AFF3: variants seen among roughly 807,000 people sequenced by gnomAD.
The protein encoded by AFF3 is ALF transcription elongation factor 3.
A neutral mutation model predicts 129.7 loss-of-function variants in AFF3; 32 were observed. That is an observed-to-expected ratio of 0.25 (90% CI 0.19 to 0.33). AFF3 has a LOEUF of 0.33. Ranked by LOEUF, AFF3 falls within the 10% of genes least tolerant of loss-of-function variation. The pLI, the probability that AFF3 is intolerant of heterozygous loss-of-function variation, is 1.00. For missense variants in AFF3, 1,373 were observed against 1,592.0 expected (o/e 0.86, Z 2.34); for synonymous variants, 644 against 635.4 (o/e 1.01, Z -0.20).
chr2:99,896,068 C>CAA (rs58471464), intron 7 of AFF3, among the ~76,000 whole-genome samples: 67 of 62,864 alleles, frequency 1.1e-3, no homozygotes, highest in South Asian at 2.3e-3. Flanking sequence ...GACTCCTTCT[C>CAA]AAAAAAAAAA....
chr2:99,709,306 C>T (rs576334986), intron 11 of AFF3, among the ~76,000 whole-genome samples: 19 of 152,292 alleles, frequency 1.2e-4, no homozygotes, highest in Admixed American at 1.1e-3. Context: ...GGTCCAGTTT[C>T]CTAACCTTTC....
At chr2:100,126,895 T>C (rs1692216562) in intron 2 of AFF3, among the ~76,000 whole-genome samples, 1 of 152,248 alleles carries the variant, frequency 6.6e-6, no homozygotes, top group African/African-American at 2.4e-5. Context: ...GGAGTTGTGT[T>C]GACACACTGG....
intron 7 of AFF3, among the ~76,000 whole-genome samples, chr2:99,995,515 G>A (rs1287852725): frequency 6.6e-6 from 1 of 152,020 alleles, no homozygotes; most frequent in Non-Finnish European, 1.5e-5. Flanking sequence ...TGGGACTACA[G>A]GCGACTGCCA....
At position 99,558,666 on chromosome 2, in the gene AFF3, G is replaced by A. The variant is rs567561762; in HGVS notation, c.3285+209C>T. Among the ~76,000 whole-genome samples, 178 of 152,114 alleles carry A rather than the reference G, an allele frequency of 1.2e-3. 2 individuals are homozygous for A. The highest frequency in any genetic ancestry group is 2.2e-3 in the Non-Finnish European group (150 of 67,988). On this transcript the variant is annotated intron_variant, in intron 22 of 24. Transcript: ENST00000672756. ...AAAAATAAAAAAATAAAAATACTTG[G>A]ACAAGAAGGCAGGGAGATACATTAG...
intron 13 of AFF3, among the ~76,000 whole-genome samples, chr2:99,609,505 T>G (rs1297182438): frequency 6.6e-6 from 1 of 152,236 alleles, no homozygotes; most frequent in Non-Finnish European, 1.5e-5. Context: ...CCTGAGTCAC[T>G]TCACTTAGAA....
chr2:99,780,961 A>C (rs1411903608), intron 8 of AFF3, among the ~76,000 whole-genome samples: 2 of 152,136 alleles, frequency 1.3e-5, no homozygotes, highest in African/African-American at 4.8e-5. Flanking sequence ...TTAAAACACA[A>C]AACAGATCAT....
intron 7 of AFF3, among the ~76,000 whole-genome samples, chr2:99,849,515 C>T (rs907187901): frequency 5.9e-5 from 9 of 152,024 alleles, no homozygotes; most frequent in Non-Finnish European, 7.4e-5. Context: ...CTAGACCATA[C>T]GTTTTTCATT....
chr2:99,902,123 T>G (rs1268837984), intron 7 of AFF3, among the ~76,000 whole-genome samples: 4 of 151,770 alleles, frequency 2.6e-5, no homozygotes, highest in African/African-American at 9.7e-5. Context: ...AGTATAGATG[T>G]CTGACATATT....
intron 7 of AFF3, among the ~76,000 whole-genome samples, chr2:99,898,299 C>T (rs553117234): frequency 6.6e-6 from 1 of 152,328 alleles, no homozygotes; most frequent in South Asian, 2.1e-4. Flanking sequence ...CAACGTCAAA[C>T]GCCATATGGG....
rs1445818528 is a variant in AFF3, at chr2:99,547,943, T to C, written c.*3531A>G. The C allele has an allele frequency of 4.7e-6, 1 of 212,134 alleles. No homozygotes were observed. Among genetic ancestry groups the C allele is most frequent in the East Asian group, 7.1e-5 (1 of 14,060 alleles). The allele number at this position is 212,134 out of a possible 1,614,324, so 13.1% of individuals were successfully genotyped here. A position where few individuals can be genotyped will look rare whatever the true frequency, so the allele number is the denominator to read the frequency against. Reference sequence around the variant, plus strand: ...GTACACAATTTGTCAACTCTTCAGATTATTTTTCCAGTACATTCCTCATTA... The same window carrying C: ...GTACACAATTTGTCAACTCTTCAGACTATTTTTCCAGTACATTCCTCATTA... On this transcript the variant is annotated 3_prime_UTR_variant, in exon 25 of 25. Transcript: ENST00000672756.
chr2:99,656,451 C>T (rs529547263), intron 12 of AFF3, among the ~76,000 whole-genome samples: 1 of 152,230 alleles, frequency 6.6e-6, no homozygotes, highest in South Asian at 2.1e-4. Flanking sequence ...GAATAAACGC[C>T]CTTGCAGCCA....
At chr2:99,624,084 C>T (rs1017767204) in intron 13 of AFF3, among the ~76,000 whole-genome samples, 3 of 152,196 alleles carry the variant, frequency 2.0e-5, no homozygotes, top group African/African-American at 4.8e-5. Flanking sequence ...CACCGGGTTG[C>T]TTCTACCTTT....
intron 8 of AFF3, among the ~76,000 whole-genome samples, chr2:99,806,355 T>C (rs1181268293): frequency 6.6e-6 from 1 of 152,186 alleles, no homozygotes; most frequent in African/African-American, 2.4e-5. Context: ...AAATAGCCCC[T>C]GCTCTCATGG....
intron 2 of AFF3, among the ~76,000 whole-genome samples, chr2:100,125,172 G>C (rs1692133485): frequency 1.3e-5 from 2 of 152,130 alleles, no homozygotes; most frequent in Non-Finnish European, 2.9e-5. Flanking sequence ...ATGAGAAATG[G>C]AGATTTAGCA....
chr2:99,644,308 C>T (rs1029403045), intron 13 of AFF3, among the ~76,000 whole-genome samples: 4 of 152,162 alleles, frequency 2.6e-5, no homozygotes, highest in Non-Finnish European at 5.9e-5. Context: ...CAAGTGCCAT[C>T]GCTTCAACAA....
At chr2:100,045,328 C>G (rs1685748487) in intron 4 of AFF3, among the ~76,000 whole-genome samples, 1 of 152,176 alleles carries the variant, frequency 6.6e-6, no homozygotes. Context: ...TCTCGTTCTG[C>G]CTCTAAGAGG....
chr2:99,606,872 C>T (rs905233234), intron 13 of AFF3, among the ~76,000 whole-genome samples: 20 of 141,374 alleles, frequency 1.4e-4, no homozygotes, highest in Non-Finnish European at 1.7e-4. Context: ...TGAGATTGCG[C>T]CACTGCACTC....
At chr2:100,093,878 C>T (rs535167170) in intron 4 of AFF3, among the ~76,000 whole-genome samples, 8 of 152,310 alleles carry the variant, frequency 5.3e-5, no homozygotes, top group African/African-American at 1.9e-4. Context: ...GACAGTCACA[C>T]AGCTAGGGCC....
chr2:99,649,546 A>G (rs774204921), intron 13 of AFF3, 80 bp downstream of exon 13: 433 of 1,477,304 alleles, frequency 2.9e-4, no homozygotes, highest in Non-Finnish European at 3.6e-4. Context: ...ACAAAATCCG[A>G]TTATGAATTA....
Sources: gnomAD v4.1 joint callset for allele counts (sites outside exome capture counted in the v4.1 genomes callset) on GRCh38, gnomAD v4.1.1 for gene constraint, MANE v1.5 for transcripts, NCBI Gene and HGNC (gene_info 2026-07-23, HGNC 2026-07-21) for gene names.